Variants in KCNMA1 observed in about 807,000 individuals in gnomAD.
KCNMA1 encodes the protein Calcium-activated potassium channel subunit alpha-1.
KCNMA1 carries 29 observed loss-of-function variants against 140.0 expected under a neutral mutation model. The ratio of observed to expected loss-of-function variants is 0.21; its 90% CI spans 0.15 to 0.28. The LOEUF (loss-of-function observed/expected upper bound fraction) is 0.28, where lower values mean the gene tolerates loss of function less well. Ranked by LOEUF, KCNMA1 falls within the 10% of genes least tolerant of loss-of-function variation. KCNMA1 has a pLI of 1.00. For synonymous variants in KCNMA1, 612 were observed against 611.9 expected, an observed-to-expected ratio of 1.00 and a Z score of 0.00; for missense variants, 880 against 1,602.2, an observed-to-expected ratio of 0.55 and a Z score of 7.70.
intron 3 of KCNMA1, among the ~76,000 whole-genome samples, chr10:77,193,340 G>A (rs920106738): frequency 3.3e-5 from 5 of 152,144 alleles, no homozygotes; most frequent in Non-Finnish European, 2.9e-5. Flanking sequence ...TAATAAATCA[G>A]AGCTAAGCTA....
At chr10:77,043,161 G>A (rs1232793234) in intron 14 of KCNMA1, among the ~76,000 whole-genome samples, 2 of 152,096 alleles carry the variant, frequency 1.3e-5, no homozygotes, top group South Asian at 2.1e-4. Context: ...GTAGACCTGC[G>A]GATAGTCTCT....
intron 5 of KCNMA1, among the ~76,000 whole-genome samples, chr10:77,179,699 T>C (rs927323983): frequency 8.5e-5 from 13 of 152,098 alleles, no homozygotes; most frequent in Non-Finnish European, 1.5e-5. Flanking sequence ...GACCACATAC[T>C]GGGGAATGCA....
intron 2 of KCNMA1, among the ~76,000 whole-genome samples, chr10:77,349,557 A>C (rs777389540): frequency 1.2e-4 from 19 of 152,192 alleles, no homozygotes; most frequent in Non-Finnish European, 2.2e-4. Context: ...AAGCAGGGAA[A>C]CTGAGGTTAG....
intron 20 of KCNMA1, among the ~76,000 whole-genome samples, chr10:76,961,936 G>A (rs2071654707): frequency 6.6e-6 from 1 of 152,220 alleles, no homozygotes; most frequent in Non-Finnish European, 1.5e-5. Context: ...GTCTGGAACT[G>A]AGCCTGCAAT....
chr10:77,325,657 T>C lies in KCNMA1; in HGVS notation c.541-74401A>G, dbSNP rs1466616241. Among the ~76,000 whole-genome samples the C allele has an allele frequency of 8.5e-5, 13 of 152,174 alleles. 1 individual carries two copies. The East Asian group carries it at 2.5e-3, about 29-fold the overall frequency. ...CCTCCCTCCACCAAGTCCCTATCCATTCTAACTTCTCATGATCGCTTCTTT... is the reference window on the plus strand; with the variant it reads ...CCTCCCTCCACCAAGTCCCTATCCACTCTAACTTCTCATGATCGCTTCTTT... On this transcript the variant is annotated intron_variant, in intron 2 of 27. Transcript: ENST00000286628.
At chr10:77,104,799 A>T (rs2153835550) in intron 9 of KCNMA1, among the ~76,000 whole-genome samples, 1 of 152,158 alleles carries the variant, frequency 6.6e-6, no homozygotes, top group African/African-American at 2.4e-5. Flanking sequence ...CAGGGAGGAG[A>T]CCTCTGGGGG....
At chr10:77,609,346 A>T (rs1567848835) in intron 1 of KCNMA1, among the ~76,000 whole-genome samples, 1 of 152,362 alleles carries the variant, frequency 6.6e-6, no homozygotes, top group East Asian at 1.9e-4. Flanking sequence ...AGCCAGGGAT[A>T]GGAAGACAAA....
At chr10:76,918,968 T>C (rs2054201452) in intron 23 of KCNMA1, among the ~76,000 whole-genome samples, 1 of 148,700 alleles carries the variant, frequency 6.7e-6, no homozygotes, top group Non-Finnish European at 1.5e-5. Context: ...GAGTGAATAC[T>C]ACACAGCCAT....
rs1026962351 is a variant in KCNMA1 at position 77,558,745 on chromosome 10, G to A, written c.378+78520C>T. 2.0e-5 allele frequency among the ~76,000 whole-genome samples: 3 copies of A among 152,236 alleles called. No homozygotes were observed. In the East Asian group the frequency reaches 5.8e-4, roughly 29 times the overall value. On this transcript the variant is annotated intron_variant, in intron 1 of 27. Coordinates refer to ENST00000286628, the MANE Select transcript of KCNMA1 (RefSeq NM_001161352.2). ...GAAGAGAAGCCTACACAGCAGTCCT[G>A]GAATTCCAAATCAGGTGGAAGAAGG...
intron 1 of KCNMA1, among the ~76,000 whole-genome samples, chr10:77,490,222 T>G (rs2098515741): frequency 6.6e-6 from 1 of 152,224 alleles, no homozygotes; most frequent in African/African-American, 2.4e-5. Flanking sequence ...GGTTTACACA[T>G]GAATTTGTGG....
At chr10:77,415,023 G>A (rs562793665) in intron 1 of KCNMA1, among the ~76,000 whole-genome samples, 6 of 152,188 alleles carry the variant, frequency 3.9e-5, no homozygotes, top group Middle Eastern at 6.8e-3. Flanking sequence ...ACAACCTATG[G>A]CTTCTAAGTA....
At chr10:77,029,951 G>A (rs2093794783) in intron 15 of KCNMA1, among the ~76,000 whole-genome samples, 1 of 152,182 alleles carries the variant, frequency 6.6e-6, no homozygotes, top group South Asian at 2.1e-4. Context: ...AAGTGGAATT[G>A]GGGGATTTTA....
intron 14 of KCNMA1, among the ~76,000 whole-genome samples, chr10:77,042,532 T>C (rs1187508982): frequency 6.6e-6 from 1 of 152,220 alleles, no homozygotes; most frequent in Admixed American, 6.5e-5. Flanking sequence ...TAATTCAGCC[T>C]ATTCTTTTCA....
At chr10:77,209,169 C>T (rs779117587) in intron 3 of KCNMA1, among the ~76,000 whole-genome samples, 4 of 152,084 alleles carry the variant, frequency 2.6e-5, no homozygotes, top group Non-Finnish European at 1.5e-5. Flanking sequence ...TGAACTCAGC[C>T]TAGGGGAGCT....
At chr10:77,521,202 C>G (rs1395743926) in intron 1 of KCNMA1, among the ~76,000 whole-genome samples, 1 of 152,196 alleles carries the variant, frequency 6.6e-6, no homozygotes, top group Admixed American at 6.5e-5. Flanking sequence ...TTGGCATGTT[C>G]TCTGTGGATA....
intron 1 of KCNMA1, among the ~76,000 whole-genome samples, chr10:77,425,611 C>T (rs564668180): frequency 2.0e-5 from 3 of 152,266 alleles, no homozygotes; most frequent in African/African-American, 4.8e-5. Context: ...CTCCCTGGTG[C>T]GGCAATGTGG....
At chr10:77,145,187 C>T (rs567240941) in intron 5 of KCNMA1, among the ~76,000 whole-genome samples, 8 of 152,314 alleles carry the variant, frequency 5.3e-5, no homozygotes, top group African/African-American at 1.7e-4. Context: ...TCCCTGGAAC[C>T]AGCAGCAGGG....
intron 19 of KCNMA1, among the ~76,000 whole-genome samples, chr10:76,998,524 C>G (rs1482821550): frequency 6.6e-6 from 1 of 152,194 alleles, no homozygotes; most frequent in African/African-American, 2.4e-5. Flanking sequence ...CTCATCATGG[C>G]TCTGCTGACA....
intron 9 of KCNMA1, among the ~76,000 whole-genome samples, chr10:77,095,618 A>G (rs552863796): frequency 2.4e-4 from 37 of 152,310 alleles, no homozygotes; most frequent in Non-Finnish European, 3.5e-4. Flanking sequence ...GGGTCACCAT[A>G]AATTCGCCAG....
Sources: gnomAD v4.1 joint callset for allele counts (sites outside exome capture counted in the v4.1 genomes callset) on GRCh38, gnomAD v4.1.1 for gene constraint, MANE v1.5 for transcripts, NCBI Gene and HGNC (gene_info 2026-07-23, HGNC 2026-07-21) for gene names.